The following GRAMD1C variants were observed in gnomAD, a reference collection of about 807,000 sequenced individuals.
GRAMD1C encodes protein Aster-C.
A neutral mutation model predicts 97.8 loss-of-function variants in GRAMD1C; 89 were observed. The ratio of observed to expected loss-of-function variants is 0.91; its 90% CI spans 0.77 to 1.09. The LOEUF is 1.09. Among genes scored for constraint, GRAMD1C ranks in the 50% least tolerant of loss-of-function variants. The pLI is 0.00. For synonymous variants in GRAMD1C, 256 were observed against 267.0 expected (o/e 0.96, Z 0.40); for missense variants, 740 against 766.4 (o/e 0.97, Z 0.41).
At chr3:113,927,592 A>G (rs1937271463) in intron 10 of GRAMD1C, among the ~76,000 whole-genome samples, 1 of 152,152 alleles carries the variant, frequency 6.6e-6, no homozygotes, top group African/African-American at 2.4e-5. Flanking sequence ...CTGTCTGGGT[A>G]CTTCCTAGGG....
intron 17 of GRAMD1C, among the ~76,000 whole-genome samples, chr3:113,942,328 C>A (rs1315538585): frequency 1.3e-5 from 2 of 152,008 alleles, no homozygotes; most frequent in African/African-American, 4.8e-5. Context: ...TCAAGATCTT[C>A]ACCCTCGTTT....
chr3:113,828,859 C>T (rs1293415508), intron 1 of GRAMD1C, among the ~76,000 whole-genome samples: 2 of 152,162 alleles, frequency 1.3e-5, no homozygotes, highest in African/African-American at 4.8e-5. Context: ...TATCATAGAA[C>T]TTATCATTAT....
intron 2 of GRAMD1C, among the ~76,000 whole-genome samples, chr3:113,864,263 A>C (rs1322058429): frequency 6.6e-6 from 1 of 151,874 alleles, no homozygotes; most frequent in Non-Finnish European, 1.5e-5. Context: ...ACAGGCATGC[A>C]CCACCACGCT....
chr3:113,840,473 A>G (rs995020404), intron 1 of GRAMD1C, among the ~76,000 whole-genome samples: 1 of 152,150 alleles, frequency 6.6e-6, no homozygotes, highest in African/African-American at 2.4e-5. Context: ...GCAGTGGCTC[A>G]TGCCTGTAAT....
intron 1 of GRAMD1C, among the ~76,000 whole-genome samples, chr3:113,842,296 A>C (rs1176270208): frequency 1.3e-5 from 2 of 152,236 alleles, no homozygotes; most frequent in Admixed American, 6.5e-5. Flanking sequence ...AAAGCCATGA[A>C]GATTTGCCAA....
Position 113,867,587 on chromosome 3 carries a change from C to T in GRAMD1C, c.175-1920C>T, listed in dbSNP as rs529226807. Among the ~76,000 whole-genome samples the T allele has an allele frequency of 1.8e-4, 27 of 152,200 alleles. 2 individuals carry two copies. Among genetic ancestry groups the T allele is most frequent in the Admixed American group, 1.6e-3 (25 of 15,280 alleles). On this transcript the variant is annotated intron_variant, in intron 2 of 17. Transcript: ENST00000358160. ...AATTATAGGGATGCATGTGCCACTA[C>T]GCCAGGCTCGGACTTCCTTTAGTAT... is the stretch of plus-strand genomic sequence containing the variant.
At chr3:113,890,463 T>C (rs1935677721) in intron 6 of GRAMD1C, among the ~76,000 whole-genome samples, 1 of 152,248 alleles carries the variant, frequency 6.6e-6, no homozygotes, top group African/African-American at 2.4e-5. Context: ...AACTCAGCTC[T>C]ATGCTGCCCT....
At chr3:113,891,354 G>A (rs1935717137) in intron 6 of GRAMD1C, among the ~76,000 whole-genome samples, 1 of 152,018 alleles carries the variant, frequency 6.6e-6, no homozygotes, top group African/African-American at 2.4e-5. Context: ...TGAAGTATTA[G>A]GTGCCAGGCA....
At chr3:113,859,721 C>T (rs1351862390) in intron 2 of GRAMD1C, among the ~76,000 whole-genome samples, 1 of 152,094 alleles carries the variant, frequency 6.6e-6, no homozygotes, top group Non-Finnish European at 1.5e-5. Flanking sequence ...AAGAAACCCT[C>T]GATCCCCAAA....
At chr3:113,928,441 C>T (rs1447334500) in intron 10 of GRAMD1C, among the ~76,000 whole-genome samples, 1 of 152,086 alleles carries the variant, frequency 6.6e-6, no homozygotes, top group African/African-American at 2.4e-5. Context: ...ATGCCACTTG[C>T]CTAGATTCAT....
At chr3:113,931,894 C>G (rs984451161) in intron 11 of GRAMD1C, among the ~76,000 whole-genome samples, 1 of 152,082 alleles carries the variant, frequency 6.6e-6, no homozygotes. Context: ...CCACTGCACT[C>G]TAGCCTGGGC....
intron 10 of GRAMD1C, among the ~76,000 whole-genome samples, chr3:113,918,079 T>C (rs966177903): frequency 6.6e-6 from 1 of 152,138 alleles, no homozygotes; most frequent in Non-Finnish European, 1.5e-5. Flanking sequence ...TTCTTATTAT[T>C]GATGATAGAG....
intron 11 of GRAMD1C, among the ~76,000 whole-genome samples, chr3:113,932,682 AG>A (rs1937481348): frequency 6.6e-6 from 1 of 152,170 alleles, no homozygotes; most frequent in South Asian, 2.1e-4. Context: ...TAAATGACAC[AG>A]GGGCAGCAAA....
intron 9 of GRAMD1C, among the ~76,000 whole-genome samples, chr3:113,910,404 A>G (rs571303936): frequency 6.6e-6 from 1 of 152,250 alleles, no homozygotes; most frequent in African/African-American, 2.4e-5. Context: ...CAAAACAGAA[A>G]ACTTACTTGG....
chr3:113,945,929 AG>A lies in GRAMD1C; in HGVS notation c.*453del, dbSNP rs907133677. The A allele has an allele frequency of 1.3e-5, 2 of 153,440 alleles. No homozygotes were observed. The highest frequency in any genetic ancestry group is 4.8e-5 in the African/African-American group (2 of 41,468). 9.5% of individuals were successfully genotyped at this position (153,440 alleles called of 1,614,324 possible). A position where few individuals can be genotyped will look rare whatever the true frequency, so the allele number is the denominator to read the frequency against. On this transcript the variant is annotated 3_prime_UTR_variant, in exon 18 of 18. Coordinates refer to ENST00000358160, the MANE Select transcript of GRAMD1C (RefSeq NM_017577.5). ...ACCTCTATGTCATTACTGATTTTAAAGGTTCTGTTTTCAGGCATATAACATT... is the reference window on the plus strand; with the variant it reads ...ACCTCTATGTCATTACTGATTTTAAAGTTCTGTTTTCAGGCATATAACATT...
intron 5 of GRAMD1C, among the ~76,000 whole-genome samples, chr3:113,876,668 G>A (rs1935049653): frequency 6.6e-6 from 1 of 151,994 alleles, no homozygotes; most frequent in African/African-American, 2.4e-5. Flanking sequence ...TTAAAAAATG[G>A]CAATTATCTT....
intron 9 of GRAMD1C, among the ~76,000 whole-genome samples, chr3:113,915,332 A>G (rs1936770606): frequency 6.6e-6 from 1 of 152,278 alleles, no homozygotes; most frequent in East Asian, 1.9e-4. Flanking sequence ...TCTATGTTAG[A>G]TACTATCTTA....
At position 113,875,337 on chromosome 3, in the gene GRAMD1C, A is replaced by G. The variant is rs1383181996; in HGVS notation, c.260-147A>G. The G allele has an allele frequency of 1.3e-5, 7 of 558,976 alleles. No homozygotes were observed. The East Asian group carries it at 1.7e-4, about 14-fold the overall frequency. The allele number at this position is 558,976 out of a possible 1,614,324, so 34.6% of individuals were successfully genotyped here. A position where few individuals can be genotyped will look rare whatever the true frequency, so the allele number is the denominator to read the frequency against. On this transcript the variant is annotated intron_variant, in intron 3 of 17. Transcript: ENST00000358160. ...ATCCTAGTACACAGCAAAATATCTG[A>G]CATATGGTGTCCAAAGTAGATGAAG...
chr3:113,877,230 T>C (rs1444054684), intron 5 of GRAMD1C, among the ~76,000 whole-genome samples: 1 of 152,214 alleles, frequency 6.6e-6, no homozygotes, highest in Non-Finnish European at 1.5e-5. Flanking sequence ...TAATTGAGAA[T>C]AAATTCTCAC....
Sources: allele counts gnomAD v4.1 joint callset (sites outside exome capture counted in the v4.1 genomes callset), GRCh38; gene constraint gnomAD v4.1.1; transcripts MANE v1.5; gene names NCBI Gene and HGNC (gene_info 2026-07-23, HGNC 2026-07-21).